Variants in ASTN2 observed in about 807,000 individuals in gnomAD.
ASTN2 encodes the protein astrotactin 2, also known as astrotactin-2.
Under a neutral mutation model 139.8 loss-of-function variants are expected in ASTN2, and 54 were observed. The ratio of observed to expected loss-of-function variants is 0.39; its 90% confidence interval spans 0.31 to 0.48. ASTN2 has a LOEUF of 0.48. ASTN2 is among the 20% of genes least tolerant of loss of function. The pLI is 0.95. For synonymous variants in ASTN2, 756 were observed against 719.5 expected (o/e 1.05, Z -0.81); for missense variants, 1,565 against 1,725.1 (o/e 0.91, Z 1.64).
At chr9:116,560,603 G>A (rs1361587150) in intron 19 of ASTN2, among the ~76,000 whole-genome samples, 1 of 152,078 alleles carries the variant, frequency 6.6e-6, no homozygotes, top group African/African-American at 2.4e-5. Flanking sequence ...TCTTCTGGAT[G>A]GTTCTTCCTT....
chr9:116,848,432 C>T (rs1832504813), intron 11 of ASTN2, among the ~76,000 whole-genome samples: 1 of 152,170 alleles, frequency 6.6e-6, no homozygotes, highest in South Asian at 2.1e-4. Flanking sequence ...TGTGCATTAA[C>T]TCATTCCCTC....
chr9:116,805,938 G>A (rs1184923696), intron 12 of ASTN2, 118 bp from the exon 13 acceptor site: 4 of 959,050 alleles, frequency 4.2e-6, no homozygotes, highest in Non-Finnish European at 3.2e-6. Context: ...GAAGGAGACA[G>A]CTATTCTACC....
intron 12 of ASTN2, among the ~76,000 whole-genome samples, chr9:116,806,590 T>C (rs1344326466): frequency 1.3e-5 from 2 of 152,144 alleles, no homozygotes; most frequent in Non-Finnish European, 2.9e-5. Context: ...AGGAGTATGG[T>C]GCACATAAAT....
intron 20 of ASTN2, among the ~76,000 whole-genome samples, chr9:116,472,127 C>A (rs938419276): frequency 1.3e-5 from 2 of 152,176 alleles, no homozygotes; most frequent in African/African-American, 2.4e-5. Context: ...TATAACCCAA[C>A]TGTGGCCTTA....
At position 117,060,881 on chromosome 9, in the gene ASTN2, C is replaced by T. The variant is rs553807432; in HGVS notation, c.1277-20916G>A. On this transcript the variant is annotated intron_variant, in intron 5 of 22. Coordinates refer to ENST00000313400, the MANE Select transcript of ASTN2 (RefSeq NM_001365068.1). ...CTGCACTCCAGACTGGGTGACAGAG[C>T]GAGAGTCCGTCAAAAAGAAAGGGAA... is the stretch of plus-strand genomic sequence containing the variant. Among the ~76,000 whole-genome samples, 16 of 149,966 alleles carry T rather than the reference C, an allele frequency of 1.1e-4. No homozygotes were observed. In the South Asian group the frequency reaches 2.8e-3, roughly 26 times the overall value.
rs1430852552 is a variant in ASTN2, at chr9:116,533,437, C to T, written c.3356-45937G>A. Among the ~76,000 whole-genome samples, 3 of 152,118 alleles carry T rather than the reference C, an allele frequency of 2.0e-5. No individual in the cohort carries two copies. In the East Asian group the frequency reaches 5.8e-4, roughly 29 times the overall value. ...TGAGAGAGGGTATCCCTGTCTTGTG[C>T]CAGTTTTCAAAGGGAATGCTTCCAG... On this transcript the variant is annotated intron_variant, in intron 19 of 22. Coordinates refer to ENST00000313400, the MANE Select transcript of ASTN2 (RefSeq NM_001365068.1).
intron 19 of ASTN2, among the ~76,000 whole-genome samples, chr9:116,537,645 T>C (rs932957057): frequency 6.6e-6 from 1 of 152,208 alleles, no homozygotes. Context: ...GAGAAAATTT[T>C]ATGTATGATC....
chr9:116,924,464 C>A (rs1017817023), intron 10 of ASTN2, among the ~76,000 whole-genome samples: 14 of 151,002 alleles, frequency 9.3e-5, no homozygotes, highest in Non-Finnish European at 1.8e-4. Flanking sequence ...ATGGCTACTC[C>A]ATTGGCAGCG....
rs879258397 is a variant in ASTN2, at chr9:117,381,649, A to G, written c.442+32848T>C. ...GACCTCCCCAGAAGCAGATGCCACCATGCTTCCTGTACAGCCTGCAGAACC... is the reference window on the plus strand; with the variant it reads ...GACCTCCCCAGAAGCAGATGCCACCGTGCTTCCTGTACAGCCTGCAGAACC... On this transcript the variant is annotated intron_variant, in intron 1 of 22. Coordinates refer to ENST00000313400, the MANE Select transcript of ASTN2 (RefSeq NM_001365068.1). Among the ~76,000 whole-genome samples, 216 of 152,258 alleles carry G rather than the reference A, an allele frequency of 1.4e-3. 3 individuals carry two copies. The highest frequency in any genetic ancestry group is 3.4e-3 in the Middle Eastern group (1 of 294).
chr9:116,842,626 G>A (rs551549196), intron 11 of ASTN2, among the ~76,000 whole-genome samples: 217 of 151,794 alleles, frequency 1.4e-3, no homozygotes, highest in Non-Finnish European at 2.6e-3. Context: ...ACATTGATTT[G>A]GATCAATCAA....
intron 16 of ASTN2, chr9:116,697,486 G>A (rs962553560): frequency 2.0e-6 from 1 of 492,716 alleles, no homozygotes; most frequent in Admixed American, 3.3e-5. Flanking sequence ...GCAGTGTTTT[G>A]TCTGGTTTGT....
chr9:116,766,563 C>T (rs752133703), intron 13 of ASTN2, among the ~76,000 whole-genome samples: 6 of 151,346 alleles, frequency 4.0e-5, no homozygotes, highest in African/African-American at 7.3e-5. Flanking sequence ...TCATACTAAT[C>T]ACATGCATTC....
intron 22 of ASTN2, among the ~76,000 whole-genome samples, chr9:116,429,340 A>AAG (rs1491274646): frequency 0.031 from 83 of 2,654 alleles, no homozygotes; most frequent in African/African-American, 0.083. Context: ...ACTCTATCTG[A>AAG]AAAAAAAAAA....
intron 7 of ASTN2, among the ~76,000 whole-genome samples, chr9:116,988,965 T>C (rs528036801): frequency 6.6e-6 from 1 of 152,144 alleles, no homozygotes; most frequent in Non-Finnish European, 1.5e-5. Flanking sequence ...GAGAATGCCA[T>C]GAGGATAAAA....
chr9:117,291,327 A>G lies in ASTN2; in HGVS notation c.629T>C (p.Met210Thr), dbSNP rs764394543. The G allele has an allele frequency of 6.2e-7, 1 of 1,611,916 alleles. No homozygotes were observed. The highest frequency in any genetic ancestry group is 8.5e-7 in the Non-Finnish European group (1 of 1,179,404). Residue 210 changes from methionine (M) to threonine (T), a missense_variant and splice_region_variant, in exon 2 of 23, where the codon ATG (methionine) becomes ACG (threonine). By Grantham distance (81) the Met-to-Thr change is moderately conservative. This residue lies in a region of ASTN2 where 596 missense variants were observed against 576.8 expected (regional missense o/e 1.03). Coordinates refer to ENST00000313400, the MANE Select transcript of ASTN2 (RefSeq NM_001365068.1). Reference protein sequence around the residue: ...EQMHILHISVMGGLIALLLLL... With the variant: ...EQMHILHISVTGGLIALLLLL... ...CGGTCACATCCCCCCATCACTCACC[A>G]TCACAGAAATGTGGAGGATGTGCAT...
At chr9:116,742,695 A>AAGTTCTGCAT (rs1351809741) in intron 13 of ASTN2, among the ~76,000 whole-genome samples, 1 of 152,146 alleles carries the variant, frequency 6.6e-6, no homozygotes, top group Non-Finnish European at 1.5e-5. Context: ...CACCCATGCC[A>AAGTTCTGCAT]AGTTCTGCAT....
chr9:117,243,167 A>C (rs1833266221), intron 2 of ASTN2, among the ~76,000 whole-genome samples: 1 of 152,228 alleles, frequency 6.6e-6, no homozygotes, highest in South Asian at 2.1e-4. Flanking sequence ...AAAGTTGCAT[A>C]GCTAAGAAGT....
At chr9:116,877,716 T>C (rs1833340223) in intron 10 of ASTN2, among the ~76,000 whole-genome samples, 1 of 152,130 alleles carries the variant, frequency 6.6e-6, no homozygotes. Context: ...GCTGGGATGA[T>C]GTGTATCCTC....
intron 4 of ASTN2, among the ~76,000 whole-genome samples, chr9:117,096,833 C>T (rs1828852131): frequency 6.6e-6 from 1 of 152,108 alleles, no homozygotes; most frequent in South Asian, 2.1e-4. Flanking sequence ...GATGGATGGG[C>T]CTGCACTGAT....
Sources: allele counts gnomAD v4.1 joint callset (sites outside exome capture counted in the v4.1 genomes callset), GRCh38; gene constraint gnomAD v4.1.1; regional missense constraint gnomAD v4.1.1; transcripts MANE v1.5; gene names NCBI Gene and HGNC (gene_info 2026-07-23, HGNC 2026-07-21).